The following CCDC102B variants were observed in gnomAD, a reference collection of about 807,000 sequenced individuals.
CCDC102B encodes the protein coiled-coil domain containing 102B.
A neutral mutation model predicts 57.4 loss-of-function variants in CCDC102B; 75 were observed. That is an observed-to-expected ratio of 1.31 (90% CI 1.08 to 1.58). The LOEUF (loss-of-function observed/expected upper bound fraction) is 1.58, where lower values mean the gene tolerates loss of function less well. Among genes scored for constraint, CCDC102B ranks in the 40% most tolerant of loss-of-function variants. The pLI is 0.00. For missense variants in CCDC102B, 636 were observed against 582.6 expected (o/e 1.09, Z -0.94); for synonymous variants, 206 against 201.9 (o/e 1.02, Z -0.17).
chr18:68,837,092 G>C lies in CCDC102B; in HGVS notation c.329G>C (p.Arg110Pro). 2 of 1,614,146 alleles carry C rather than the reference G, an allele frequency of 1.2e-6. No individual in the cohort carries two copies. The highest frequency in any genetic ancestry group is 8.5e-7 in the Non-Finnish European group (1 of 1,180,026). ...TGGAGAGAAAAATGGAGTAAAGTTC[G>C]AGCTGAAAGGAACAGTGCCAGGGAG... The part of the protein sequence containing the change: ...ANWREKWSKV[R>P]AERNSAREEG... The change falls in exon 2 of 8, where the codon CGA (arginine) becomes CCA (proline). Residue 110 changes from arginine (R) to proline (P), a missense_variant. Arg to Pro is a moderately radical substitution (Grantham distance 103). Transcript: ENST00000360242.
chr18:68,934,982 G>C (rs528667747), intron 6 of CCDC102B, among the ~76,000 whole-genome samples: 1 of 151,922 alleles, frequency 6.6e-6, no homozygotes, highest in Non-Finnish European at 1.5e-5. Flanking sequence ...AGGTGGCGGT[G>C]AGTCCTATGG....
At chr18:68,898,102 G>A (rs567995262) in intron 6 of CCDC102B, among the ~76,000 whole-genome samples, 163 of 152,044 alleles carry the variant, frequency 1.1e-3, no homozygotes, top group African/African-American at 3.8e-3. Flanking sequence ...GCTTTTAATG[G>A]CAGTCTTATA....
intron 1 of CCDC102B, among the ~76,000 whole-genome samples, chr18:68,812,094 T>C (rs2036288235): frequency 1.3e-5 from 2 of 152,210 alleles, no homozygotes. Flanking sequence ...TAATCTTTTC[T>C]TGTTAAACGT....
At chr18:68,727,004 A>G (rs1383921830) in intron 2 of CCDC102B, among the ~76,000 whole-genome samples, 1 of 152,184 alleles carries the variant, frequency 6.6e-6, no homozygotes, top group African/African-American at 2.4e-5. Flanking sequence ...AGACTAAATG[A>G]GAGAACTAAT....
intron 4 of CCDC102B, among the ~76,000 whole-genome samples, chr18:68,874,415 A>C (rs948638): frequency 0.78 from 117,700 of 151,660 alleles, 45,924 homozygotes; most frequent in East Asian, 1. Context: ...TAACTGAGTT[A>C]TGCCTATTTT....
rs114410056 is a variant in CCDC102B, at chr18:68,992,481, G to A, written c.1264-18453G>A. Among the ~76,000 whole-genome samples, 795 of 152,186 alleles carry A rather than the reference G, an allele frequency of 5.2e-3. 12 individuals carry two copies. Among genetic ancestry groups the A allele is most frequent in the African/African-American group, 0.017 (703 of 41,514 alleles). On this transcript the variant is annotated intron_variant, in intron 6 of 7. Transcript: ENST00000360242. Reference sequence around the variant, plus strand: ...CTTTGCTACAATGATCGAATCGCCCGGAAGATTTTCAATGAACAATGATCC... The same window carrying A: ...CTTTGCTACAATGATCGAATCGCCCAGAAGATTTTCAATGAACAATGATCC...
At chr18:68,826,486 C>A (rs944392352) in intron 1 of CCDC102B, among the ~76,000 whole-genome samples, 5 of 152,062 alleles carry the variant, frequency 3.3e-5, no homozygotes, top group African/African-American at 1.2e-4. Context: ...TCTTTCATAA[C>A]CTGATTTCAG....
At chr18:68,844,237 G>T (rs1022374303) in intron 3 of CCDC102B, among the ~76,000 whole-genome samples, 3 of 151,634 alleles carry the variant, frequency 2.0e-5, no homozygotes, top group Admixed American at 6.6e-5. Context: ...GCAGACATTT[G>T]ATTTCTCAAC....
chr18:68,860,255 G>A (rs1364863350), intron 4 of CCDC102B, among the ~76,000 whole-genome samples: 11 of 65,760 alleles, frequency 1.7e-4, no homozygotes, highest in African/African-American at 5.3e-4. Context: ...TGAACAATGA[G>A]ATCACATGGA....
At chr18:68,808,971 C>T (rs2036144391) in intron 1 of CCDC102B, among the ~76,000 whole-genome samples, 1 of 152,102 alleles carries the variant, frequency 6.6e-6, no homozygotes, top group Non-Finnish European at 1.5e-5. Flanking sequence ...TATGCTATTT[C>T]TATTCAGAAG....
At chr18:68,856,223 T>C (rs1287385695) in intron 4 of CCDC102B, among the ~76,000 whole-genome samples, 2 of 152,208 alleles carry the variant, frequency 1.3e-5, no homozygotes, top group African/African-American at 4.8e-5. Flanking sequence ...AAATAAATTA[T>C]GTTAATTCTT....
intron 3 of CCDC102B, among the ~76,000 whole-genome samples, chr18:68,841,239 A>G (rs1378840311): frequency 6.6e-6 from 1 of 152,170 alleles, no homozygotes; most frequent in Non-Finnish European, 1.5e-5. Flanking sequence ...CTGCATTCCC[A>G]TCTAGTGGGA....
Position 68,904,425 on chromosome 18 carries a change from C to T in CCDC102B, c.1263+6997C>T, listed in dbSNP as rs186159636. Among the ~76,000 whole-genome samples, 17 of 152,286 alleles carry T rather than the reference C, an allele frequency of 1.1e-4. No homozygotes were observed. The South Asian group carries it at 1.7e-3, about 15-fold the overall frequency. ...TTCATAATTTAGTTATTGCATGAAA[C>T]ATAGAAATACATCCATGATTTTGTG... On this transcript the variant is annotated intron_variant, in intron 6 of 7. Transcript: ENST00000360242.
chr18:68,810,680 G>GTTTTTTTTTTTTTTTT (rs61714863), intron 1 of CCDC102B, among the ~76,000 whole-genome samples: 11 of 77,048 alleles, frequency 1.4e-4, no homozygotes, highest in East Asian at 4.2e-4. Context: ...TCTTTTCTTT[G>GTTTTTTTTTTTTTTTT]TTTTTTTTTT....
At chr18:68,839,786 A>G (rs2037547469) in intron 3 of CCDC102B, among the ~76,000 whole-genome samples, 1 of 152,156 alleles carries the variant, frequency 6.6e-6, no homozygotes, top group African/African-American at 2.4e-5. Context: ...TTGCAAGTGA[A>G]CATCTTAAGA....
Position 68,785,364 on chromosome 18 carries a change from A to C in CCDC102B, c.-66-38002A>C, listed in dbSNP as rs536218027. ...ACCCAGTAATGGGATGGCTAGGTCA[A>C]ATGGTACTTCCAGTTCTAGATCCCT... On this transcript the variant is annotated intron_variant, in intron 2 of 3. Coordinates refer to the CCDC102B transcript ENST00000578970. Among the ~76,000 whole-genome samples, 277 of 152,302 alleles carry C rather than the reference A, an allele frequency of 1.8e-3. 2 individuals carry two copies. The highest frequency in any genetic ancestry group is 6.5e-3 in the African/African-American group (269 of 41,544).
chr18:68,732,901 C>T (rs547550583), intron 2 of CCDC102B, among the ~76,000 whole-genome samples: 1 of 152,212 alleles, frequency 6.6e-6, no homozygotes, highest in Non-Finnish European at 1.5e-5. Context: ...GTGGAGCTCC[C>T]TTCCAGATTC....
chr18:68,893,023 G>A (rs756564062), intron 5 of CCDC102B, among the ~76,000 whole-genome samples: 1 of 152,182 alleles, frequency 6.6e-6, no homozygotes, highest in Non-Finnish European at 1.5e-5. Context: ...GGCATATAGT[G>A]CATTCTTTTG....
chr18:68,885,987 G>A (rs943321338), intron 5 of CCDC102B, among the ~76,000 whole-genome samples: 1 of 151,600 alleles, frequency 6.6e-6, no homozygotes, highest in African/African-American at 2.4e-5. Context: ...CATAACTTCA[G>A]GAAACATAAA....
Sources: gnomAD v4.1 joint callset for allele counts (sites outside exome capture counted in the v4.1 genomes callset) on GRCh38, gnomAD v4.1.1 for gene constraint, MANE v1.5 for transcripts, NCBI Gene and HGNC (gene_info 2026-07-23, HGNC 2026-07-21) for gene names.